The following SLC19A3 variants were observed in gnomAD, a reference collection of about 807,000 sequenced individuals.
SLC19A3 encodes the protein thiamine transporter 2.
A neutral mutation model predicts 40.2 loss-of-function variants in SLC19A3; 31 were observed. The ratio of observed to expected loss-of-function variants is 0.77; its 90% CI spans 0.58 to 1.04. The LOEUF is 1.04. Ranked by LOEUF, SLC19A3 falls within the 50% of genes least tolerant of loss-of-function variation. The probability of loss-of-function intolerance (pLI) is 0.00; values close to 1 mark genes in which losing one functional copy is unlikely to be tolerated. For missense variants in SLC19A3, 592 were observed against 596.7 expected (o/e 0.99, Z 0.08); for synonymous variants, 212 against 227.5 (o/e 0.93, Z 0.61).
rs1173073286 is a variant in SLC19A3, at chr2:227,701,939, T to C, written c.150+230A>G. The C allele has an allele frequency of 1.2e-5, 6 of 499,882 alleles. No homozygotes were observed. In the East Asian group the frequency reaches 1.5e-4, roughly 12 times the overall value. The allele number at this position is 499,882 out of a possible 1,614,324, so 31.0% of individuals were successfully genotyped here. ...ATCATTAACACAAATGTTAGGACTCTATGCAAGTTAAAAATTTGTTAACAC... is the reference window on the plus strand; with the variant it reads ...ATCATTAACACAAATGTTAGGACTCCATGCAAGTTAAAAATTTGTTAACAC... On this transcript the variant is annotated intron_variant, in intron 2 of 5. Transcript: ENST00000644224.
rs565003664 is a variant in SLC19A3 at position 227,704,730 on chromosome 2, G to A, written c.-2-2410C>T. Among the ~76,000 whole-genome samples, 11 of 152,180 alleles carry A rather than the reference G, an allele frequency of 7.2e-5. No individual in the cohort carries two copies. The South Asian group carries it at 8.3e-4, about 11-fold the overall frequency. Reference sequence around the variant, plus strand: ...TTGAGGCCAGGAGATCAAGGTGTCGGTGAGCTGTGATCACACCACTGCACT... The same window carrying A: ...TTGAGGCCAGGAGATCAAGGTGTCGATGAGCTGTGATCACACCACTGCACT... On this transcript the variant is annotated intron_variant, in intron 1 of 5. Transcript: ENST00000644224.
intron 1 of SLC19A3, among the ~76,000 whole-genome samples, chr2:227,714,964 C>T (rs1696282832): frequency 6.7e-6 from 1 of 149,338 alleles, no homozygotes; most frequent in Non-Finnish European, 1.5e-5. Flanking sequence ...AGACCACAGG[C>T]ACCCGCCACC....
chr2:227,698,599 G>A (rs1695535025), intron 3 of SLC19A3, 137 bp downstream of exon 3: 2 of 838,602 alleles, frequency 2.4e-6, no homozygotes, highest in South Asian at 1.4e-5. Flanking sequence ...ATGCCCGGCC[G>A]TGACTTTCAT....
intron 2 of SLC19A3, chr2:227,701,153 A>T: frequency 8.2e-7 from 1 of 1,220,652 alleles, no homozygotes; most frequent in Non-Finnish European, 1.1e-6. Flanking sequence ...ATCTGATGCT[A>T]CAGAAGAAGC....
rs1215008222 is a variant in SLC19A3 at position 227,718,003 on chromosome 2, G to A, written c.-63C>T. Reference sequence around the variant, plus strand: ...CTTGCCGCACGACCACGCACCCGCGGCTGTCGGATGGATCCAGGCGCTCTT... The same window carrying A: ...CTTGCCGCACGACCACGCACCCGCGACTGTCGGATGGATCCAGGCGCTCTT... On this transcript the variant is annotated 5_prime_UTR_variant, in exon 1 of 6. Transcript: ENST00000644224. 7.1e-6 allele frequency: 7 copies of A among 985,052 alleles called. No individual in the cohort carries two copies. Among genetic ancestry groups the A allele is most frequent in the African/African-American group, 1.7e-5 (1 of 57,216 alleles). 61.0% of individuals were successfully genotyped at this position (985,052 alleles called of 1,614,324 possible). A position where few individuals can be genotyped will look rare whatever the true frequency, so the allele number is the denominator to read the frequency against.
intron 4 of SLC19A3, among the ~76,000 whole-genome samples, chr2:227,689,274 C>A (rs547728515): frequency 5.7e-4 from 87 of 152,148 alleles, no homozygotes; most frequent in Non-Finnish European, 1.0e-3. Context: ...TACAGAACAC[C>A]AAGCAGATTT....
intron 1 of SLC19A3, among the ~76,000 whole-genome samples, chr2:227,704,209 G>A (rs529987708): frequency 1.3e-5 from 2 of 152,260 alleles, no homozygotes; most frequent in African/African-American, 4.8e-5. Context: ...AGGAGTTAGG[G>A]AAGACAATCT....
chr2:227,714,667 C>T lies in SLC19A3; in HGVS notation c.-3+3276G>A, dbSNP rs1216962273. ...TGGTGGCTTTATGTACTGGGGCCCA[C>T]CCTCTTCTGCAGCCGATGACATTTG... On this transcript the variant is annotated intron_variant, in intron 1 of 5. Transcript: ENST00000644224. 4 of 908,618 alleles carry T rather than the reference C, an allele frequency of 4.4e-6. No homozygotes were observed. In the African/African-American group the frequency reaches 5.5e-5, roughly 13 times the overall value. The allele number at this position is 908,618 out of a possible 1,614,324, so 56.3% of individuals were successfully genotyped here. A position where few individuals can be genotyped will look rare whatever the true frequency, so the allele number is the denominator to read the frequency against.
chr2:227,694,591 T>C (rs979227873), intron 4 of SLC19A3, among the ~76,000 whole-genome samples: 3 of 152,238 alleles, frequency 2.0e-5, no homozygotes, highest in Non-Finnish European at 2.9e-5. Context: ...TTCAAATGTT[T>C]CTCATTTTTT....
At chr2:227,692,418 T>C (rs981667530) in intron 4 of SLC19A3, among the ~76,000 whole-genome samples, 1 of 152,262 alleles carries the variant, frequency 6.6e-6, no homozygotes, top group African/African-American at 2.4e-5. Context: ...TCAATCAGTG[T>C]GATAAATCAC....
At position 227,702,287 on chromosome 2, in the gene SLC19A3, G is replaced by GAACT; in HGVS notation, c.28_31dup (p.Ser11Ter). ...GAGGATCACAGTGGGGTAAATCCAG[G>GAACT]AACTGCTTAGTGAAGTTCTGTAACA... On this transcript the variant is annotated stop_gained and frameshift_variant, in exon 2 of 6. Coordinates refer to ENST00000644224, the MANE Select transcript of SLC19A3 (RefSeq NM_025243.4). LOFTEE classifies it high-confidence loss of function. The GAACT allele has an allele frequency of 6.2e-7, 1 of 1,614,054 alleles. No homozygotes were observed. Among genetic ancestry groups the GAACT allele is most frequent in the Non-Finnish European group, 8.5e-7 (1 of 1,179,986 alleles).
intron 1 of SLC19A3, chr2:227,714,703 CAAAAAAAA>C: frequency 1.7e-5 from 3 of 175,142 alleles, no homozygotes; most frequent in Non-Finnish European, 2.4e-5. Context: ...AAATCCCATC[CAAAAAAAA>C]AAAAAAAAAA....
intron 1 of SLC19A3, among the ~76,000 whole-genome samples, chr2:227,717,385 G>A (rs562662346): frequency 6.6e-6 from 1 of 152,220 alleles, no homozygotes; most frequent in Non-Finnish European, 1.5e-5. Context: ...GCACATTTGC[G>A]GCAGCGACAT....
rs760673468 is a variant in SLC19A3 at position 227,699,359 on chromosome 2, G to A, written c.356C>T (p.Ala119Val). ...TATGTAGGCGTAGTAGGCCACCTCG[G>A]CGGCGGTGACCATCCCATAGAAGAA... ...VEFFYGMVTA[A>V]EVAYYAYIYS... is the part of the protein sequence containing the mutation. Residue 119 changes from alanine (A) to valine (V), a missense_variant, in exon 3 of 6, where the codon GCC (alanine) becomes GTC (valine). Physicochemically the swap from Ala to Val is moderately conservative, Grantham distance 64. Transcript: ENST00000644224. The A allele has an allele frequency of 6.2e-7, 1 of 1,614,052 alleles. No homozygotes were observed. The highest frequency in any genetic ancestry group is 1.3e-5 in the African/African-American group (1 of 74,914).
chr2:227,697,194 T>C (rs1016599697), intron 3 of SLC19A3, among the ~76,000 whole-genome samples: 2 of 152,078 alleles, frequency 1.3e-5, no homozygotes, highest in Non-Finnish European at 2.9e-5. Flanking sequence ...GGATTTGGAA[T>C]GTAGGAGCAA....
Position 227,703,337 on chromosome 2 carries a change from C to T in SLC19A3, c.-2-1017G>A, listed in dbSNP as rs1695782165. 6.6e-6 allele frequency among the ~76,000 whole-genome samples: 1 copy of T among 152,056 alleles called. No homozygotes were observed. The highest frequency in any genetic ancestry group is 1.5e-5 in the Non-Finnish European group (1 of 68,008). On this transcript the variant is annotated intron_variant, in intron 1 of 5. Transcript: ENST00000644224. The surrounding 1 kb of genome is among the most constrained non-coding windows in gnomAD (Gnocchi z 4.7). ...GGTATCCAGTGGGTGGGGAGCTTTA[C>T]TAGGGGTTGGGGAGGTAGGAAGGAC... is the stretch of plus-strand genomic sequence containing the variant.
chr2:227,696,111 A>C, intron 3 of SLC19A3, 30 bp from the exon 4 acceptor site: 2 of 1,607,314 alleles, frequency 1.2e-6, no homozygotes, highest in Non-Finnish European at 1.7e-6. Context: ...GCAATCAAAC[A>C]TAATGACTTT....
chr2:227,705,421 C>A (rs1349700650), intron 1 of SLC19A3, among the ~76,000 whole-genome samples: 2 of 140,704 alleles, frequency 1.4e-5, no homozygotes, highest in African/African-American at 5.5e-5. Context: ...GACAACATAG[C>A]GAGGCCCTAT....
intron 4 of SLC19A3, 35 bp downstream of exon 4, chr2:227,695,854 A>T (rs1439680564): frequency 6.3e-7 from 1 of 1,592,092 alleles, no homozygotes; most frequent in African/African-American, 1.3e-5. Flanking sequence ...AGAGAGGAAT[A>T]CAGTTCAGTT....
Sources: gnomAD v4.1 joint callset for allele counts (sites outside exome capture counted in the v4.1 genomes callset) on GRCh38, gnomAD v4.1.1 for gene constraint, Gnocchi (gnomAD v3.1) non-coding constraint, MANE v1.5 for transcripts, NCBI Gene and HGNC (gene_info 2026-07-23, HGNC 2026-07-21) for gene names.